The following OPCML variants were observed in gnomAD, a reference collection of about 807,000 sequenced individuals.
The protein encoded by OPCML is opioid-binding protein/cell adhesion molecule.
In OPCML, 13 loss-of-function variants were observed where a neutral mutation model predicts 37.8. That is an observed-to-expected ratio of 0.34 (90% CI 0.22 to 0.55). The LOEUF (loss-of-function observed/expected upper bound fraction) is 0.55, where lower values mean the gene tolerates loss of function less well. Ranked by LOEUF, OPCML falls within the 20% of genes least tolerant of loss-of-function variation. The pLI is 0.91. For synonymous variants in OPCML, 176 were observed against 168.8 expected (o/e 1.04, Z -0.33); for missense variants, 341 against 435.6 (o/e 0.78, Z 1.93).
chr11:132,477,419 G>C (rs2096160627), intron 4 of OPCML, among the ~76,000 whole-genome samples: 1 of 152,212 alleles, frequency 6.6e-6, no homozygotes, highest in Non-Finnish European at 1.5e-5. Flanking sequence ...GAGGACTTCA[G>C]GAAAGAGGGA....
intron 1 of OPCML, among the ~76,000 whole-genome samples, chr11:133,265,498 G>C (rs1941629598): frequency 2.0e-5 from 3 of 152,178 alleles, no homozygotes; most frequent in Non-Finnish European, 4.4e-5. Flanking sequence ...GAGAGGAATG[G>C]ATATTTGCTA....
At chr11:133,082,602 T>A in intron 1 of OPCML, among the ~76,000 whole-genome samples, 1 of 63,560 alleles carries the variant, frequency 1.6e-5, no homozygotes, top group Admixed American at 1.5e-4. Context: ...CCCTCGCCCA[T>A]CCCCCTTTCC....
At position 133,177,840 on chromosome 11, in the gene OPCML, G is replaced by C. The variant is rs550382944; in HGVS notation, c.62-234830C>G. Among the ~76,000 whole-genome samples the C allele has an allele frequency of 6.6e-6, 1 of 152,258 alleles. No homozygotes were observed. The highest frequency in any genetic ancestry group is 2.4e-5 in the African/African-American group (1 of 41,548). On this transcript the variant is annotated intron_variant, in intron 1 of 7. Coordinates refer to ENST00000524381, the MANE Select transcript of OPCML (RefSeq NM_001012393.5). The surrounding 1 kb of genome is among the most constrained non-coding windows in gnomAD (Gnocchi z 5.0). ...AATTAAACATTCAAGATCACTTACTGCAGACTTTCATTTACTTCATGAGGA... is the reference window on the plus strand; with the variant it reads ...AATTAAACATTCAAGATCACTTACTCCAGACTTTCATTTACTTCATGAGGA...
intron 2 of OPCML, among the ~76,000 whole-genome samples, chr11:132,879,838 C>CA (rs917531901): frequency 2.0e-5 from 3 of 151,846 alleles, no homozygotes; most frequent in African/African-American, 7.2e-5. Flanking sequence ...TTTGGGAAAA[C>CA]AAAAAAAATA....
chr11:133,286,470 C>CAAA (rs60645863), intron 1 of OPCML, among the ~76,000 whole-genome samples: 568 of 50,792 alleles, frequency 0.011, 31 homozygotes, highest in African/African-American at 0.019. Context: ...CTGTGTCTCA[C>CAAA]AAAAAAAAAA....
intron 2 of OPCML, among the ~76,000 whole-genome samples, chr11:132,672,325 GC>G (rs1182767764): frequency 6.6e-6 from 1 of 152,162 alleles, no homozygotes; most frequent in African/African-American, 2.4e-5. Flanking sequence ...ACTTACATGT[GC>G]TTTTTAGTAA....
rs560289112 is a variant in OPCML, at chr11:133,185,486, T to C, written c.62-242476A>G. 2.0e-5 allele frequency among the ~76,000 whole-genome samples: 3 copies of C among 152,156 alleles called. No homozygotes were observed. In the South Asian group the frequency reaches 6.2e-4, roughly 32 times the overall value. On this transcript the variant is annotated intron_variant, in intron 1 of 7. Coordinates refer to ENST00000524381, the MANE Select transcript of OPCML (RefSeq NM_001012393.5). ...AGACAGCCGTCTACAATGCAACTCA[T>C]AGGAAGGACAAAATGGTCCAGTGAT...
chr11:132,866,129 T>C (rs532863189), intron 2 of OPCML, among the ~76,000 whole-genome samples: 14 of 152,134 alleles, frequency 9.2e-5, no homozygotes, highest in Non-Finnish European at 1.6e-4. Flanking sequence ...TCCACTTTAA[T>C]GCGATCTCAA....
intron 1 of OPCML, among the ~76,000 whole-genome samples, chr11:133,190,821 T>A (rs139375964): frequency 6.6e-6 from 1 of 152,348 alleles, no homozygotes; most frequent in Non-Finnish European, 1.5e-5. Flanking sequence ...TGTTTTATTT[T>A]TTTTAATTGC....
chr11:133,033,922 G>A (rs1320768853), intron 1 of OPCML, among the ~76,000 whole-genome samples: 1 of 152,172 alleles, frequency 6.6e-6, no homozygotes, highest in African/African-American at 2.4e-5. Context: ...AATTTGTACA[G>A]GGCCAACTCT....
intron 1 of OPCML, among the ~76,000 whole-genome samples, chr11:133,148,080 C>T (rs1018500517): frequency 6.6e-6 from 1 of 152,198 alleles, no homozygotes; most frequent in African/African-American, 2.4e-5. Context: ...TGTCTGCCCC[C>T]AAATAGCTGC....
intron 2 of OPCML, among the ~76,000 whole-genome samples, chr11:132,876,204 A>G (rs1943003976): frequency 6.6e-6 from 1 of 152,190 alleles, no homozygotes; most frequent in African/African-American, 2.4e-5. Context: ...GTTCTTGACA[A>G]TCACTTCTTC....
intron 7 of OPCML, among the ~76,000 whole-genome samples, chr11:132,431,404 C>T (rs1193437421): frequency 6.6e-6 from 1 of 152,228 alleles, no homozygotes; most frequent in East Asian, 1.9e-4. Flanking sequence ...ACCGCCTTTC[C>T]ACATCGGGCC....
Position 132,417,970 on chromosome 11 carries a change from T to A in OPCML, c.*2223A>T, listed in dbSNP as rs1219434392. 2 of 152,204 alleles carry A rather than the reference T, an allele frequency of 1.3e-5. No individual in the cohort carries two copies. Among genetic ancestry groups the A allele is most frequent in the Non-Finnish European group, 2.9e-5 (2 of 68,036 alleles). 9.4% of individuals were successfully genotyped at this position (152,204 alleles called of 1,614,324 possible). On this transcript the variant is annotated 3_prime_UTR_variant, in exon 8 of 8. Transcript: ENST00000524381. ...CTGTTTACAGCTGGAAAATGTAACA[T>A]TAATTTCACTCACACCAGCTCTACC...
chr11:133,518,040 G>C (rs78912802), intron 1 of OPCML, among the ~76,000 whole-genome samples: 5,633 of 152,264 alleles, frequency 0.037, 171 homozygotes, highest in Middle Eastern at 0.082. Flanking sequence ...ATATTACAGA[G>C]AGACAGCCTC....
At chr11:133,518,376 GGTGTGTGTAAATAA>G (rs1459530699) in intron 1 of OPCML, among the ~76,000 whole-genome samples, 1 of 150,840 alleles carries the variant, frequency 6.6e-6, no homozygotes, top group African/African-American at 2.5e-5. Context: ...GTGCAGGCAT[GGTGTGTGTAAATAA>G]GTGTGTGTGT....
intron 4 of OPCML, among the ~76,000 whole-genome samples, chr11:132,461,787 T>G (rs771914385): frequency 2.0e-5 from 3 of 152,118 alleles, no homozygotes; most frequent in Non-Finnish European, 4.4e-5. Context: ...AGGAAACATG[T>G]CCTTCTTCAC....
Position 132,720,542 on chromosome 11 carries a change from G to A in OPCML, c.147-63223C>T, listed in dbSNP as rs146128034. Among the ~76,000 whole-genome samples the A allele has an allele frequency of 9.2e-5, 14 of 152,274 alleles. No individual in the cohort carries two copies. In the East Asian group the frequency reaches 2.3e-3, roughly 25 times the overall value. ...AATTCAAAGTTCCTGATCAATCCAG[G>A]CATTTAAAAGTCTCCACTAGTTCAC... On this transcript the variant is annotated intron_variant, in intron 2 of 7. Transcript: ENST00000524381.
At chr11:132,600,520 T>G (rs1937780724) in intron 3 of OPCML, among the ~76,000 whole-genome samples, 1 of 152,218 alleles carries the variant, frequency 6.6e-6, no homozygotes, top group South Asian at 2.1e-4. Flanking sequence ...GCAACAAATT[T>G]GTCTTCCAAA....
Sources: allele counts gnomAD v4.1 joint callset (sites outside exome capture counted in the v4.1 genomes callset), GRCh38; gene constraint gnomAD v4.1.1; non-coding constraint Gnocchi (gnomAD v3.1); transcripts MANE v1.5; gene names NCBI Gene and HGNC (gene_info 2026-07-23, HGNC 2026-07-21).